Variants in ATG4C observed in about 807,000 individuals in gnomAD.
ATG4C encodes cysteine protease ATG4C.
A neutral mutation model predicts 57.6 loss-of-function variants in ATG4C; 56 were observed. The observed-to-expected ratio is 0.97, with a 90% CI of 0.78 to 1.21. The LOEUF (loss-of-function observed/expected upper bound fraction) is 1.21, where lower values mean the gene tolerates loss of function less well. Among genes scored for constraint, ATG4C ranks in the 50% most tolerant of loss-of-function variants. The probability of loss-of-function intolerance (pLI) is 0.00; values close to 1 mark genes in which losing one functional copy is unlikely to be tolerated. For missense variants in ATG4C, 595 were observed against 529.8 expected, an observed-to-expected ratio of 1.12 and a Z score of -1.21; for synonymous variants, 157 against 174.1, an observed-to-expected ratio of 0.90 and a Z score of 0.78.
At chr1:62,810,345 T>C (rs1052145486) in intron 3 of ATG4C, among the ~76,000 whole-genome samples, 8 of 152,232 alleles carry the variant, frequency 5.3e-5, no homozygotes, top group Non-Finnish European at 1.2e-4. Context: ...GAATTTCTAG[T>C]TCTTAACACA....
At chr1:62,858,848 G>A (rs1016049306) in intron 10 of ATG4C, among the ~76,000 whole-genome samples, 1 of 152,106 alleles carries the variant, frequency 6.6e-6, no homozygotes, top group Admixed American at 6.5e-5. Context: ...GAGGAAATAG[G>A]ATAGTTAACA....
chr1:62,841,604 T>G (rs1666170012), intron 10 of ATG4C, 57 bp downstream of exon 10: 1 of 1,373,268 alleles, frequency 7.3e-7, no homozygotes, highest in African/African-American at 1.5e-5. Flanking sequence ...AGAAACAGAC[T>G]GTCAGAAAGC....
intron 10 of ATG4C, among the ~76,000 whole-genome samples, chr1:62,858,267 A>G (rs1666745337): frequency 2.0e-5 from 3 of 152,228 alleles, no homozygotes; most frequent in Admixed American, 2.0e-4. Context: ...TGGAAATTTT[A>G]TGATCAATTT....
Position 62,803,742 on chromosome 1 carries a change from C to CT in ATG4C, c.-45_-44insT. 7.4e-7 allele frequency: 1 copy of CT among 1,357,998 alleles called. No individual in the cohort carries two copies. Among genetic ancestry groups the CT allele is most frequent in the Admixed American group, 2.0e-5 (1 of 49,278 alleles). 84.1% of individuals were successfully genotyped at this position (1,357,998 alleles called of 1,614,324 possible). ...AGTCAGTATAAAAGATTAAACTCTA[C>CT]AGAAGAATGCAATCAAGTGATGGCT... On this transcript the variant is annotated 5_prime_UTR_variant, in exon 2 of 11. Transcript: ENST00000317868.
rs1360007026 is a variant in ATG4C at position 62,826,763 on chromosome 1, C to G, written c.797-2277C>G. Among the ~76,000 whole-genome samples, 6 of 137,836 alleles carry G rather than the reference C, an allele frequency of 4.4e-5. No homozygotes were observed. In the East Asian group the frequency reaches 1.4e-3, roughly 33 times the overall value. The allele number at this position is 137,836 out of a possible 152,430, so 90.4% of individuals were successfully genotyped here. A position where few individuals can be genotyped will look rare whatever the true frequency, so the allele number is the denominator to read the frequency against. On this transcript the variant is annotated intron_variant, in intron 6 of 10. Coordinates refer to ENST00000317868, the MANE Select transcript of ATG4C (RefSeq NM_032852.4). ...CCCCCTCCCCCTACCCCACAACAGG[C>G]CCTGGTGTGTGATGTTCCCCACCCT...
intron 4 of ATG4C, among the ~76,000 whole-genome samples, chr1:62,818,053 A>C (rs1217994336): frequency 6.6e-6 from 1 of 152,156 alleles, no homozygotes; most frequent in Non-Finnish European, 1.5e-5. Flanking sequence ...TTCAGTCCTC[A>C]CTAGATCTCT....
intron 1 of ATG4C, among the ~76,000 whole-genome samples, chr1:62,801,995 A>G (rs1375406393): frequency 2.7e-5 from 3 of 110,230 alleles, no homozygotes; most frequent in Non-Finnish European, 4.1e-5. Context: ...AGAAAAAAAG[A>G]AAAGAACTAC....
chr1:62,803,553 G>A (rs1055135540), intron 1 of ATG4C, among the ~76,000 whole-genome samples, 166 bp from the exon 2 acceptor site: 1 of 151,836 alleles, frequency 6.6e-6, no homozygotes, highest in Non-Finnish European at 1.5e-5. Context: ...ATTTCTGTTT[G>A]TAAAATGAGA....
intron 6 of ATG4C, among the ~76,000 whole-genome samples, chr1:62,826,402 A>T (rs1346311083): frequency 1.3e-5 from 2 of 149,888 alleles, no homozygotes; most frequent in African/African-American, 4.9e-5. Context: ...TGCCTGGCTA[A>T]TTTTTTTGTA....
intron 1 of ATG4C, among the ~76,000 whole-genome samples, chr1:62,784,572 T>G (rs1053227511): frequency 2.0e-5 from 3 of 152,224 alleles, no homozygotes; most frequent in Non-Finnish European, 2.9e-5. Context: ...TTTCCCCTGA[T>G]CTATCGCATC....
chr1:62,807,956 T>G (rs1322622153), intron 3 of ATG4C, among the ~76,000 whole-genome samples: 3 of 152,192 alleles, frequency 2.0e-5, no homozygotes, highest in Admixed American at 1.3e-4. Flanking sequence ...CTGTGCTAAC[T>G]TCAGGTAGTT....
chr1:62,848,303 A>G (rs1442902588), intron 10 of ATG4C, among the ~76,000 whole-genome samples: 1 of 152,160 alleles, frequency 6.6e-6, no homozygotes, highest in Non-Finnish European at 1.5e-5. Context: ...ACTTTGTGTC[A>G]TCAAAAACTT....
At chr1:62,847,349 A>G (rs1192966410) in intron 10 of ATG4C, among the ~76,000 whole-genome samples, 2 of 152,212 alleles carry the variant, frequency 1.3e-5, no homozygotes, top group African/African-American at 4.8e-5. Context: ...GCAGTGGTAA[A>G]CAAGATAGTT....
intron 10 of ATG4C, among the ~76,000 whole-genome samples, chr1:62,846,459 G>A (rs1666328062): frequency 6.6e-6 from 1 of 152,026 alleles, no homozygotes; most frequent in Non-Finnish European, 1.5e-5. Context: ...ATCAGTTATA[G>A]TCCAAGATCG....
At chr1:62,790,721 A>G (rs932612044) in intron 1 of ATG4C, among the ~76,000 whole-genome samples, 3 of 152,216 alleles carry the variant, frequency 2.0e-5, no homozygotes, top group Non-Finnish European at 4.4e-5. Flanking sequence ...GGAGAATATT[A>G]AGTTTTAAGA....
intron 2 of ATG4C, 105 bp from the exon 3 acceptor site, chr1:62,805,066 TA>T (rs1325462749): frequency 5.0e-6 from 7 of 1,390,550 alleles, no homozygotes; most frequent in Non-Finnish European, 6.5e-6. Flanking sequence ...CATCCATAAA[TA>T]ATAATTGATG....
At chr1:62,846,143 T>TCAA (rs934714811) in intron 10 of ATG4C, among the ~76,000 whole-genome samples, 4 of 152,224 alleles carry the variant, frequency 2.6e-5, no homozygotes, top group Admixed American at 2.6e-4. Context: ...GAATTCCTCT[T>TCAA]CAAGGTCACT....
chr1:62,787,355 T>G (rs1386563758), intron 1 of ATG4C, among the ~76,000 whole-genome samples: 1 of 152,212 alleles, frequency 6.6e-6, no homozygotes. Context: ...TTAAACCATG[T>G]ATATGAATAG....
rs560091046 is a variant in ATG4C, at chr1:62,836,010, T to C, written c.1089+1158T>C. Reference sequence around the variant, plus strand: ...TTGAGATTTAGATGGAAAATTGTTCTTAGTATTTTAGTATTACCTAAATAA... The same window carrying C: ...TTGAGATTTAGATGGAAAATTGTTCCTAGTATTTTAGTATTACCTAAATAA... On this transcript the variant is annotated intron_variant, in intron 9 of 10. Transcript: ENST00000317868. 9.9e-5 allele frequency among the ~76,000 whole-genome samples: 15 copies of C among 152,248 alleles called. No individual in the cohort carries two copies. The South Asian group carries it at 3.1e-3, about 32-fold the overall frequency.
Sources: allele counts gnomAD v4.1 joint callset (sites outside exome capture counted in the v4.1 genomes callset), GRCh38; gene constraint gnomAD v4.1.1; transcripts MANE v1.5; gene names NCBI Gene and HGNC (gene_info 2026-07-23, HGNC 2026-07-21).